TRMO: variants seen among roughly 807,000 people sequenced by gnomAD.
The protein encoded by TRMO is tRNA (adenine(37)-N6)-methyltransferase.
In TRMO, 30 loss-of-function variants were observed where a neutral mutation model predicts 37.2. The observed-to-expected ratio is 0.81, with a 90% CI of 0.60 to 1.09. The LOEUF (loss-of-function observed/expected upper bound fraction) is 1.09, where lower values mean the gene tolerates loss of function less well. TRMO is among the 50% of genes least tolerant of loss of function. The pLI is 0.00. For missense variants in TRMO, 552 were observed against 549.5 expected (o/e 1.00, Z -0.05); for synonymous variants, 239 against 199.4 (o/e 1.20, Z -1.67).
intron 1 of TRMO, 88 bp downstream of exon 1, chr9:97,922,330 C>G (rs977368237): frequency 4.1e-5 from 35 of 862,148 alleles, no homozygotes; most frequent in Non-Finnish European, 5.8e-5. Flanking sequence ...AGTTCCAGAT[C>G]GTGCGTTTTA....
intron 2 of TRMO, among the ~76,000 whole-genome samples, chr9:97,915,220 A>G (rs1826300230): frequency 6.6e-6 from 1 of 152,210 alleles, no homozygotes; most frequent in Admixed American, 6.5e-5. Context: ...AGGCCCTAAT[A>G]TAGGTAACAC....
At chr9:97,909,816 T>C in intron 4 of TRMO, 144 bp downstream of exon 4, 2 of 613,242 alleles carry the variant, frequency 3.3e-6, no homozygotes, top group Non-Finnish European at 5.6e-6. Context: ...ATGATGGTAC[T>C]GCAAAAATAT....
chr9:97,902,033 A>G (rs138632936), downstream of TRMO, among the ~76,000 whole-genome samples: 390 of 152,322 alleles, frequency 2.6e-3, 1 homozygote, highest in African/African-American at 8.3e-3. Flanking sequence ...CCTAGGGAAG[A>G]CCAAGGGGTG....
intron 3 of TRMO, chr9:97,913,044 T>A: frequency 1.5e-6 from 1 of 660,800 alleles, no homozygotes; most frequent in Admixed American, 2.4e-5. Flanking sequence ...TGAGTTATTG[T>A]GTGTTAAATT....
chr9:97,913,895 T>C (rs1230944862), intron 2 of TRMO: 1 of 206,156 alleles, frequency 4.9e-6, no homozygotes, highest in East Asian at 1.2e-4. Flanking sequence ...ACTCATTTCA[T>C]ACAATCGCCT....
rs1473265949 is a variant in TRMO at position 97,916,321 on chromosome 9, G to T, written c.94C>A (p.Pro32Thr). ...AAACAAGATTCCAAGTAGCCGACTG[G>T]CTCAGTTAAAAGATTCCCTACAGGA... ...ALETGNLLTE[P>T]VGYLESCFSA... Residue 32 changes from proline (P) to threonine (T), a missense_variant, in exon 2 of 5, where the codon CCA (proline) becomes ACA (threonine). By Grantham distance (38) the Pro-to-Thr change is conservative (BLOSUM62 -1). Coordinates refer to ENST00000375119, the MANE Select transcript of TRMO (RefSeq NM_016481.5). The T allele has an allele frequency of 1.2e-6, 2 of 1,611,220 alleles. No individual in the cohort carries two copies. The highest frequency in any genetic ancestry group is 2.2e-5 in the East Asian group (1 of 44,698).
the TRMO span, among the ~76,000 whole-genome samples, chr9:97,899,256 G>C: frequency 3.5e-5 from 5 of 141,720 alleles, no homozygotes; most frequent in East Asian, 1.1e-3. Flanking sequence ...GCCTGCCCGG[G>C]CAGTGAAGGT....
chr9:97,920,589 G>C (rs1826580025), intron 1 of TRMO, among the ~76,000 whole-genome samples: 1 of 152,220 alleles, frequency 6.6e-6, no homozygotes, highest in African/African-American at 2.4e-5. Flanking sequence ...TAAAGTCCCT[G>C]CTCAGGCTTT....
At position 97,910,091 on chromosome 9, in the gene TRMO, C is replaced by T. The variant is rs776846400; in HGVS notation, c.935G>A (p.Cys312Tyr). 6.2e-7 allele frequency: 1 copy of T among 1,614,036 alleles called. No individual in the cohort carries two copies. Among genetic ancestry groups the T allele is most frequent in the Admixed American group, 1.7e-5 (1 of 60,030 alleles). Residue 312 changes from cysteine to tyrosine, a missense_variant, in exon 4 of 5, where the codon TGC (cysteine) becomes TAC (tyrosine). Cys to Tyr is a radical substitution (Grantham distance 194, BLOSUM62 -2). Coordinates refer to ENST00000375119, the MANE Select transcript of TRMO (RefSeq NM_016481.5). ...RAETQPMAPH[C>Y]PAGRADGAPR... Reference sequence around the variant, plus strand: ...AGCTCCATCAGCCCTTCCAGCAGGGCAGTGAGGGGCCATGGGCTGTGTCTC... The same window carrying T: ...AGCTCCATCAGCCCTTCCAGCAGGGTAGTGAGGGGCCATGGGCTGTGTCTC...
intron 1 of TRMO, among the ~76,000 whole-genome samples, chr9:97,922,170 A>G (rs1333978549): frequency 6.6e-6 from 1 of 152,220 alleles, no homozygotes; most frequent in African/African-American, 2.4e-5. Context: ...TAGCTGCTCC[A>G]GCTACTGAGC....
chr9:97,902,245 AG>A (rs1831185980), downstream of TRMO, among the ~76,000 whole-genome samples: 1 of 152,226 alleles, frequency 6.6e-6, no homozygotes, highest in South Asian at 2.1e-4. Flanking sequence ...AACATTGAAG[AG>A]ACTCAGGAAC....
downstream of TRMO, among the ~76,000 whole-genome samples, chr9:97,904,294 TTTTA>T (rs1360452642): frequency 2.0e-5 from 3 of 152,156 alleles, no homozygotes; most frequent in Admixed American, 6.6e-5. Flanking sequence ...TCTACTTGTT[TTTTA>T]TTTGTTAGTT....
intron 4 of TRMO, among the ~76,000 whole-genome samples, chr9:97,907,975 GCCA>G (rs1341829288): frequency 6.6e-6 from 1 of 152,080 alleles, no homozygotes; most frequent in African/African-American, 2.4e-5. Context: ...GCCCACTGGG[GCCA>G]CCTATTTAAA....
Position 97,921,487 on chromosome 9 carries a change from G to A in TRMO, c.76+931C>T, listed in dbSNP as rs987497380. On this transcript the variant is annotated intron_variant, in intron 1 of 4. Transcript: ENST00000375119. ...CGCCCAGGCCGGAGTGCAGTGGCGC[G>A]ATCTCGGCTCACTGCAAGCCCGCCT... Among the ~76,000 whole-genome samples the A allele has an allele frequency of 5.1e-4, 77 of 150,798 alleles. 1 individual carries two copies. Among genetic ancestry groups the A allele is most frequent in the Non-Finnish European group, 1.2e-4 (8 of 67,824 alleles).
intron 3 of TRMO, chr9:97,910,844 T>C (rs2131525746): frequency 3.3e-6 from 2 of 602,208 alleles, no homozygotes; most frequent in Non-Finnish European, 5.9e-6. Context: ...GCACACCTTT[T>C]ACAAAGCCTT....
intron 2 of TRMO, 125 bp from the exon 3 acceptor site, chr9:97,913,683 T>C (rs1377337992): frequency 1.2e-5 from 8 of 648,240 alleles, no homozygotes; most frequent in Non-Finnish European, 1.6e-5. Flanking sequence ...TTTTAAATAG[T>C]ATTAACTTGT....
At chr9:97,899,507 C>T (rs1831120091), downstream of TRMO, among the ~76,000 whole-genome samples, 1 of 151,956 alleles carries the variant, frequency 6.6e-6, no homozygotes, top group Admixed American at 6.6e-5. Flanking sequence ...GGCACAATCT[C>T]AGCTCACTGC....
intron 4 of TRMO, 96 bp from the exon 5 acceptor site, chr9:97,905,088 A>G: frequency 7.8e-7 from 1 of 1,275,480 alleles, no homozygotes; most frequent in Non-Finnish European, 1.1e-6. Context: ...TTCCTTAAAG[A>G]TCACTTGACA....
chr9:97,919,339 T>C (rs1826514872), intron 1 of TRMO, among the ~76,000 whole-genome samples: 1 of 147,442 alleles, frequency 6.8e-6, no homozygotes, highest in Admixed American at 6.9e-5. Flanking sequence ...TGCCCATGAG[T>C]TAGCTCTGCT....
Sources: gnomAD v4.1 joint callset for allele counts (sites outside exome capture counted in the v4.1 genomes callset) on GRCh38, gnomAD v4.1.1 for gene constraint, MANE v1.5 for transcripts, NCBI Gene and HGNC (gene_info 2026-07-23, HGNC 2026-07-21) for gene names.